Variants in TG observed in about 807,000 individuals in gnomAD.
TG encodes the protein thyroid hormones.
TG carries 270 observed loss-of-function variants against 324.7 expected under a neutral mutation model. The ratio of observed to expected loss-of-function variants is 0.83; its 90% CI spans 0.75 to 0.92. TG has a LOEUF of 0.92. TG is among the 40% of genes least tolerant of loss of function. TG has a pLI of 0.00. For missense variants in TG, 3,591 were observed against 3,456.4 expected (o/e 1.04, Z -0.98); for synonymous variants, 1,401 against 1,327.0 (o/e 1.06, Z -1.21).
intron 41 of TG, among the ~76,000 whole-genome samples, chr8:133,031,486 C>T (rs969508134): frequency 2.0e-5 from 3 of 152,132 alleles, no homozygotes; most frequent in Non-Finnish European, 4.4e-5. Flanking sequence ...TCAGGACAAC[C>T]TCTCTTAAAG....
intron 20 of TG, among the ~76,000 whole-genome samples, chr8:132,916,969 C>A (rs1383937685): frequency 6.6e-6 from 1 of 151,042 alleles, no homozygotes; most frequent in East Asian, 1.9e-4. Flanking sequence ...TTCCTTACTT[C>A]TTTCCTTCCT....
chr8:132,939,971 C>T (rs2008303), intron 25 of TG, among the ~76,000 whole-genome samples: 78,919 of 151,922 alleles, frequency 0.52, 21,897 homozygotes, highest in Non-Finnish European at 0.61. Flanking sequence ...CCACCATGCC[C>T]GGCCCCAGTA....
intron 41 of TG, chr8:133,060,256 G>A: frequency 6.2e-7 from 1 of 1,610,526 alleles, no homozygotes; most frequent in South Asian, 1.1e-5. Flanking sequence ...CCTCCAAGTG[G>A]AGAATGACCC....
At chr8:132,883,589 G>A (rs1261106317) in intron 8 of TG, among the ~76,000 whole-genome samples, 1 of 152,156 alleles carries the variant, frequency 6.6e-6, no homozygotes, top group Non-Finnish European at 1.5e-5. Context: ...GAAAGGCAGG[G>A]GTAAGACAAT....
At position 133,133,483 on chromosome 8, in the gene TG, C is replaced by A. The variant is rs757851867; in HGVS notation, c.8011C>A (p.Pro2671Thr). ...TCATTTGCCCAGAAATCCCAACTAC[C>A]CTTATGAGTTCTCACGGAAAGTACC... ...HFIRSGNPNY[P>T]YEFSRKVPTF... is the part of the protein sequence containing the mutation. Residue 2671 changes from proline (P) to threonine (T), a missense_variant, in exon 47 of 48, where the codon CCT becomes ACT. By Grantham distance (38) the Pro-to-Thr change is conservative. Transcript: ENST00000220616. 6.2e-7 allele frequency: 1 copy of A among 1,614,056 alleles called. No individual in the cohort carries two copies. The highest frequency in any genetic ancestry group is 2.2e-5 in the East Asian group (1 of 44,886).
chr8:133,124,658 G>A (rs930651767), intron 45 of TG, among the ~76,000 whole-genome samples: 8 of 152,138 alleles, frequency 5.3e-5, no homozygotes, highest in Admixed American at 3.9e-4. Flanking sequence ...TCAATGTTAG[G>A]TAGCTAGGGT....
At chr8:132,955,251 C>A (rs750512649) in intron 27 of TG, among the ~76,000 whole-genome samples, 5 of 152,180 alleles carry the variant, frequency 3.3e-5, no homozygotes, top group Non-Finnish European at 7.3e-5. Context: ...TGCCACACAT[C>A]CAAGCAGTTA....
intron 20 of TG, among the ~76,000 whole-genome samples, chr8:132,915,954 A>G (rs905464188): frequency 2.6e-5 from 4 of 152,252 alleles, no homozygotes; most frequent in Non-Finnish European, 5.9e-5. Flanking sequence ...TTTCTTCAGC[A>G]TCAGTTCTAG....
chr8:133,051,066 C>T (rs1840320755), intron 41 of TG: 2 of 618,150 alleles, frequency 3.2e-6, no homozygotes, highest in Admixed American at 5.4e-5. Flanking sequence ...GCAAGGTCCT[C>T]TCTTCAGAGA....
chr8:133,070,023 A>AAAAG (rs1162674343), intron 41 of TG, among the ~76,000 whole-genome samples: 1 of 92,704 alleles, frequency 1.1e-5, no homozygotes, highest in Non-Finnish European at 2.7e-5. Flanking sequence ...AAAAAAAAAA[A>AAAAG]AAAGAAAGAA....
chr8:132,967,696 T>C (rs1828833534), intron 30 of TG, 98 bp from the exon 31 acceptor site: 4 of 1,367,278 alleles, frequency 2.9e-6, no homozygotes, highest in Admixed American at 1.9e-5. Flanking sequence ...CTAGGAGGGA[T>C]CTCTACCAGG....
At chr8:132,960,878 T>C in intron 27 of TG, 130 bp from the exon 28 acceptor site, 1 of 933,018 alleles carries the variant, frequency 1.1e-6, no homozygotes, top group Non-Finnish European at 1.8e-6. Flanking sequence ...CTGGGTTACA[T>C]CTTACGTGGG....
intron 34 of TG, among the ~76,000 whole-genome samples, chr8:132,973,988 C>CTTT (rs869164425): frequency 2.7e-4 from 31 of 112,980 alleles, no homozygotes; most frequent in African/African-American, 4.3e-4. Context: ...TTGACCATTC[C>CTTT]TTTTTTTTTT....
Position 133,017,780 on chromosome 8 carries a change from ATC to A in TG, c.6571_6572del (p.Leu2191AlafsTer4), listed in dbSNP as rs769248043. Reference sequence around the variant, plus strand: ...CTTTCTCTTCCCTTTCCCAACAGGAATCTCTCTGCTCAGCTATGAGGCATCTG... The same window carrying A: ...CTTTCTCTTCCCTTTCCCAACAGGAATCTCTGCTCAGCTATGAGGCATCTG... ...EATHIYRKPGISLLSYEASVP... is the reference protein window; with the variant it reads ...EATHIYRKPGXSLLSYEASVP... On this transcript the variant is annotated frameshift_variant, in exon 38 of 48. Coordinates refer to ENST00000220616, the MANE Select transcript of TG (RefSeq NM_003235.5). LOFTEE classifies it high-confidence loss of function. 6.2e-7 allele frequency: 1 copy of A among 1,614,068 alleles called. No individual in the cohort carries two copies. The highest frequency in any genetic ancestry group is 1.1e-5 in the South Asian group (1 of 91,080).
chr8:132,902,988 G>C (rs1038617808), intron 16 of TG, among the ~76,000 whole-genome samples: 1 of 152,146 alleles, frequency 6.6e-6, no homozygotes, highest in Non-Finnish European at 1.5e-5. Context: ...TGACAAAACT[G>C]AGGCTCAGAG....
intron 41 of TG, among the ~76,000 whole-genome samples, chr8:133,084,622 A>G (rs1846242340): frequency 6.6e-6 from 1 of 152,230 alleles, no homozygotes; most frequent in South Asian, 2.1e-4. Flanking sequence ...GGAAAAAGGC[A>G]TTTTGTCAAG....
intron 43 of TG, among the ~76,000 whole-genome samples, chr8:133,096,662 T>A (rs1287905566): frequency 6.6e-6 from 1 of 152,196 alleles, no homozygotes; most frequent in Non-Finnish European, 1.5e-5. Context: ...AATACCCACA[T>A]TCTGGACCAT....
intron 20 of TG, among the ~76,000 whole-genome samples, chr8:132,915,356 G>C (rs1205792446): frequency 6.6e-6 from 1 of 152,156 alleles, no homozygotes; most frequent in Non-Finnish European, 1.5e-5. Flanking sequence ...AAAATAAAGG[G>C]GCTGGCCTAG....
intron 4 of TG, 123 bp from the exon 5 acceptor site, chr8:132,872,939 G>T: frequency 9.2e-7 from 1 of 1,084,948 alleles, no homozygotes; most frequent in Non-Finnish European, 1.4e-6. Context: ...CAATGAAACC[G>T]CCGAACGATG....
Sources: allele counts gnomAD v4.1 joint callset (sites outside exome capture counted in the v4.1 genomes callset), GRCh38; gene constraint gnomAD v4.1.1; transcripts MANE v1.5; gene names NCBI Gene and HGNC (gene_info 2026-07-23, HGNC 2026-07-21).